DOCK2: variants seen among roughly 807,000 people sequenced by gnomAD.
DOCK2 encodes dedicator of cytokinesis 2.
In DOCK2, 87 loss-of-function variants were observed where a neutral mutation model predicts 248.9. The ratio of observed to expected loss-of-function variants is 0.35; its 90% CI spans 0.29 to 0.42. The LOEUF is 0.42. Among genes scored for constraint, DOCK2 ranks in the 10% least tolerant of loss-of-function variants. The pLI, the probability that DOCK2 is intolerant of heterozygous loss-of-function variation, is 1.00. For synonymous variants in DOCK2, 805 were observed against 821.6 expected (o/e 0.98, Z 0.35); for missense variants, 1,747 against 2,300.2 (o/e 0.76, Z 4.92).
In DOCK2 at chr5:169,728,019, G is replaced by A. The variant is rs560748694; in HGVS notation, c.2267+9228G>A. ...AGAGCTCTTGAACTAAGGTAGTGAC[G>A]GTGGTACTGGGGAAGAGGAGAGGAA... On this transcript the variant is annotated intron_variant, in intron 22 of 51. Coordinates refer to ENST00000520908, the MANE Select transcript of DOCK2 (RefSeq NM_004946.3). Among the ~76,000 whole-genome samples the A allele has an allele frequency of 7.7e-4, 117 of 152,294 alleles. 3 individuals carry two copies. The highest frequency in any genetic ancestry group is 7.3e-3 in the Admixed American group (112 of 15,288).
At chr5:169,962,893 TC>T (rs1448219139) in intron 27 of DOCK2, among the ~76,000 whole-genome samples, 1 of 151,992 alleles carries the variant, frequency 6.6e-6, no homozygotes, top group Admixed American at 6.6e-5. Context: ...AAGCCTTAGC[TC>T]CCCTGTCCCT....
chr5:169,998,591 T>C (rs1754727426), intron 30 of DOCK2, among the ~76,000 whole-genome samples: 1 of 152,196 alleles, frequency 6.6e-6, no homozygotes, highest in Non-Finnish European at 1.5e-5. Context: ...CTATTACTAA[T>C]ATTTTTTCTG....
chr5:169,874,216 C>A (rs1046450717), intron 27 of DOCK2, among the ~76,000 whole-genome samples: 1 of 151,974 alleles, frequency 6.6e-6, no homozygotes, highest in South Asian at 2.1e-4. Context: ...GGTTCAAGAC[C>A]AGCCTGGCCA....
chr5:170,031,935 C>A (rs1432745802), intron 34 of DOCK2, among the ~76,000 whole-genome samples: 1 of 152,158 alleles, frequency 6.6e-6, no homozygotes, highest in Non-Finnish European at 1.5e-5. Flanking sequence ...AGGAACCAGC[C>A]CAGATGTGAT....
chr5:169,707,127 C>T (rs867047465), intron 14 of DOCK2, among the ~76,000 whole-genome samples: 5 of 152,214 alleles, frequency 3.3e-5, no homozygotes, highest in Admixed American at 6.5e-5. Context: ...AACCACACTT[C>T]GGGCCCCTTC....
chr5:169,980,819 A>C (rs912212354), intron 27 of DOCK2: 1 of 152,252 alleles, frequency 6.6e-6, no homozygotes, highest in African/African-American at 2.4e-5. Context: ...CTGAGCAGGA[A>C]AAAGAATTTG....
intron 27 of DOCK2, among the ~76,000 whole-genome samples, chr5:169,974,579 A>ACC (rs1025658005): frequency 6.6e-6 from 1 of 152,100 alleles, no homozygotes. Flanking sequence ...GTGTCATTTT[A>ACC]CCCTGGATGC....
At chr5:169,741,276 G>A (rs1465588486) in intron 22 of DOCK2, among the ~76,000 whole-genome samples, 3 of 152,166 alleles carry the variant, frequency 2.0e-5, no homozygotes, top group Non-Finnish European at 2.9e-5. Context: ...GAAGGGAACC[G>A]TCTCTTTCAC....
intron 25 of DOCK2, among the ~76,000 whole-genome samples, chr5:169,786,469 C>G (rs928492037): frequency 6.6e-6 from 1 of 152,076 alleles, no homozygotes; most frequent in Non-Finnish European, 1.5e-5. Flanking sequence ...GATGATGAAA[C>G]CGAGCTGAAA....
At chr5:169,997,244 G>T (rs1471218126) in intron 30 of DOCK2, among the ~76,000 whole-genome samples, 1 of 131,166 alleles carries the variant, frequency 7.6e-6, no homozygotes, top group Non-Finnish European at 1.6e-5. Context: ...GCTGCCCGCA[G>T]GTCCCACCTC....
At chr5:169,795,935 G>A (rs898867949) in intron 25 of DOCK2, among the ~76,000 whole-genome samples, 3 of 152,124 alleles carry the variant, frequency 2.0e-5, no homozygotes, top group South Asian at 4.2e-4. Flanking sequence ...AGGAGAATTC[G>A]ACTTTCAGTC....
chr5:169,785,191 G>A (rs549028184), intron 25 of DOCK2, among the ~76,000 whole-genome samples: 2 of 152,290 alleles, frequency 1.3e-5, no homozygotes, highest in South Asian at 4.1e-4. Context: ...TCTAATTTCA[G>A]TATGGAGGTA....
chr5:169,646,820 A>G (rs916415037), intron 1 of DOCK2, among the ~76,000 whole-genome samples: 1 of 152,258 alleles, frequency 6.6e-6, no homozygotes. Context: ...TACAATAGGT[A>G]TAGCCAAAGC....
chr5:169,952,706 C>T (rs552519787), intron 27 of DOCK2, among the ~76,000 whole-genome samples: 1 of 152,306 alleles, frequency 6.6e-6, no homozygotes, highest in African/African-American at 2.4e-5. Flanking sequence ...TCCAGCCAGC[C>T]TTGCCCCTGG....
chr5:169,796,026 C>T (rs558400564), intron 25 of DOCK2, among the ~76,000 whole-genome samples: 12 of 152,302 alleles, frequency 7.9e-5, no homozygotes, highest in East Asian at 7.7e-4. Flanking sequence ...TCGATTAACC[C>T]GTGCTGGTGA....
At chr5:169,641,883 A>G (rs1397390849) in intron 1 of DOCK2, among the ~76,000 whole-genome samples, 1 of 152,254 alleles carries the variant, frequency 6.6e-6, no homozygotes, top group African/African-American at 2.4e-5. Context: ...AAGTCCCAAC[A>G]GAAGAGAGTG....
rs1374733773 is a variant in DOCK2 at position 169,647,918 on chromosome 5, G to A, written c.44-6485G>A. 2.0e-5 allele frequency among the ~76,000 whole-genome samples: 3 copies of A among 152,162 alleles called. No individual in the cohort carries two copies. In the East Asian group the frequency reaches 5.8e-4, roughly 29 times the overall value. On this transcript the variant is annotated intron_variant, in intron 1 of 51. Coordinates refer to ENST00000520908, the MANE Select transcript of DOCK2 (RefSeq NM_004946.3). ...ATTTCACAGAAGCTCAGGAGAGCAG[G>A]AGCCACCCCCTTTCACCCCACTTTT...
At chr5:169,847,881 G>A (rs888292314) in intron 27 of DOCK2, among the ~76,000 whole-genome samples, 1 of 152,176 alleles carries the variant, frequency 6.6e-6, no homozygotes, top group Non-Finnish European at 1.5e-5. Context: ...TGTATTTACT[G>A]CAACCGTTGG....
chr5:169,646,606 A>G (rs986884901), intron 1 of DOCK2, among the ~76,000 whole-genome samples: 2 of 152,224 alleles, frequency 1.3e-5, no homozygotes, highest in African/African-American at 2.4e-5. Flanking sequence ...CAATAGCAGG[A>G]ACGTGGTAGG....
Sources: allele counts gnomAD v4.1 joint callset (sites outside exome capture counted in the v4.1 genomes callset), GRCh38; gene constraint gnomAD v4.1.1; transcripts MANE v1.5; gene names NCBI Gene and HGNC (gene_info 2026-07-23, HGNC 2026-07-21).